DDR2: variants seen among roughly 807,000 people sequenced by gnomAD.
DDR2 encodes the protein discoidin domain-containing receptor 2.
A neutral mutation model predicts 94.9 loss-of-function variants in DDR2; 27 were observed. The observed-to-expected ratio is 0.28, with a 90% CI of 0.21 to 0.39. The LOEUF is 0.39. Among genes scored for constraint, DDR2 ranks in the 10% least tolerant of loss-of-function variants. The pLI is 1.00. For synonymous variants in DDR2, 382 were observed against 377.2 expected, an observed-to-expected ratio of 1.01 and a Z score of -0.15; for missense variants, 783 against 1,076.0, an observed-to-expected ratio of 0.73 and a Z score of 3.81.
At chr1:162,703,380 T>C (rs954364294) in intron 2 of DDR2, among the ~76,000 whole-genome samples, 4 of 152,130 alleles carry the variant, frequency 2.6e-5, no homozygotes, top group African/African-American at 9.7e-5. Context: ...GAGCCTGCTA[T>C]TATGCTATTG....
chr1:162,642,115 C>A (rs142285445), intron 1 of DDR2, among the ~76,000 whole-genome samples: 1,615 of 151,214 alleles, frequency 0.011, 34 homozygotes, highest in African/African-American at 0.037. Context: ...CCACACCACG[C>A]CCAGCTAATT....
intron 9 of DDR2, among the ~76,000 whole-genome samples, chr1:162,763,621 C>T (rs148074889): frequency 3.3e-5 from 5 of 152,056 alleles, no homozygotes; most frequent in South Asian, 4.1e-4. Context: ...GTACAGCACC[C>T]GACGTGGAAT....
chr1:162,687,024 G>T (rs1182250582), intron 2 of DDR2, among the ~76,000 whole-genome samples: 1 of 152,200 alleles, frequency 6.6e-6, no homozygotes, highest in African/African-American at 2.4e-5. Flanking sequence ...TTTTGGTTGG[G>T]GCTCAGGAGG....
intron 16 of DDR2, among the ~76,000 whole-genome samples, chr1:162,776,747 T>A (rs1647580243): frequency 6.6e-6 from 1 of 152,222 alleles, no homozygotes; most frequent in Non-Finnish European, 1.5e-5. Flanking sequence ...TTCTCATAAT[T>A]ACATAGACTA....
At chr1:162,745,779 A>G (rs116173774) in intron 3 of DDR2, among the ~76,000 whole-genome samples, 1,882 of 152,148 alleles carry the variant, frequency 0.012, 25 homozygotes, top group Admixed American at 0.031. Context: ...CTTTTTCAAC[A>G]TTGCTTTGGA....
chr1:162,786,818 G>T lies in DDR2; in HGVS notation c.*6572G>T, dbSNP rs1648169105. On this transcript the variant is annotated 3_prime_UTR_variant, in exon 18 of 18. Transcript: ENST00000367921. ...CATATCCAAACATACGAGACACTGGGATTTTACGTCCTCACATTAATTAGT... is the reference window on the plus strand; with the variant it reads ...CATATCCAAACATACGAGACACTGGTATTTTACGTCCTCACATTAATTAGT... 6.6e-6 allele frequency: 1 copy of T among 152,140 alleles called. No individual in the cohort carries two copies. The highest frequency in any genetic ancestry group is 2.1e-4 in the South Asian group (1 of 4,826). 9.4% of individuals were successfully genotyped at this position (152,140 alleles called of 1,614,324 possible).
chr1:162,719,091 G>C lies in DDR2; in HGVS notation c.28G>C (p.Val10Leu). The C allele has an allele frequency of 1.2e-6, 2 of 1,613,810 alleles. No individual in the cohort carries two copies. Among genetic ancestry groups the C allele is most frequent in the Admixed American group, 1.7e-5 (1 of 60,004 alleles). MILIPRMLL[V>L]LFLLLPILSS... ...GATCCTGATTCCCAGAATGCTCTTG[G>C]TGCTGTTCCTGCTGCTGCCTATCTT... The change falls in exon 3 of 18, where the codon GTG becomes CTG. Residue 10 changes from valine to leucine, a missense_variant. Around this residue, in one of 2 missense-constraint regions of DDR2, gnomAD observed 519 missense variants for 647.9 expected, o/e 0.80. Transcript: ENST00000367921.
chr1:162,717,842 A>G (rs1661240383), intron 2 of DDR2, among the ~76,000 whole-genome samples: 1 of 152,170 alleles, frequency 6.6e-6, no homozygotes, highest in South Asian at 2.1e-4. Context: ...GTCTTGAGGA[A>G]GTGTTTGTCA....
intron 2 of DDR2, among the ~76,000 whole-genome samples, chr1:162,690,591 T>TA (rs1180186083): frequency 3.9e-5 from 6 of 151,976 alleles, no homozygotes; most frequent in African/African-American, 1.4e-4. Context: ...TCCTCATCTG[T>TA]AAAAGATGAG....
At chr1:162,713,159 C>T (rs371259066) in intron 2 of DDR2, among the ~76,000 whole-genome samples, 2 of 152,144 alleles carry the variant, frequency 1.3e-5, no homozygotes, top group African/African-American at 2.4e-5. Context: ...TAGAAACAGG[C>T]AGTAATTCTC....
intron 2 of DDR2, among the ~76,000 whole-genome samples, chr1:162,667,040 G>GTCTA (rs10593700): frequency 0.022 from 3,260 of 151,190 alleles, 96 homozygotes; most frequent in African/African-American, 0.068. Context: ...ATTCATATAT[G>GTCTA]TCTATCTATC....
At chr1:162,672,938 G>A (rs1658941742) in intron 2 of DDR2, among the ~76,000 whole-genome samples, 1 of 152,132 alleles carries the variant, frequency 6.6e-6, no homozygotes, top group Admixed American at 6.5e-5. Context: ...TTTCTGGGAT[G>A]AAAATAGCAA....
chr1:162,758,835 T>G lies in DDR2; in HGVS notation c.672-961T>G, dbSNP rs375190976. On this transcript the variant is annotated intron_variant, in intron 7 of 17. Coordinates refer to ENST00000367921, the MANE Select transcript of DDR2 (RefSeq NM_006182.4). ...AGGGTGAGTATCCCAATCTCGTCAT[T>G]TGGGAAATTTGTGTCATATCTGCCA... 1.4e-4 allele frequency among the ~76,000 whole-genome samples: 22 copies of G among 152,282 alleles called. No individual in the cohort carries two copies. The South Asian group carries it at 4.4e-3, about 30-fold the overall frequency.
chr1:162,655,147 A>C (rs911927475), intron 1 of DDR2, 64 bp from the exon 2 acceptor site: 1 of 152,164 alleles, frequency 6.6e-6, no homozygotes, highest in Non-Finnish European at 1.5e-5. Flanking sequence ...AGGAGTGCCA[A>C]AGAGGAAAGA....
At chr1:162,687,736 G>T (rs1287351676) in intron 2 of DDR2, among the ~76,000 whole-genome samples, 1 of 152,152 alleles carries the variant, frequency 6.6e-6, no homozygotes, top group Non-Finnish European at 1.5e-5. Flanking sequence ...AGCCAGGTTG[G>T]GGACGGAGAG....
chr1:162,747,667 T>C (rs1446282529), intron 3 of DDR2, among the ~76,000 whole-genome samples: 1 of 152,020 alleles, frequency 6.6e-6, no homozygotes, highest in African/African-American at 2.4e-5. Flanking sequence ...AAGATACTCC[T>C]CGAGAAGAGC....
chr1:162,673,773 T>G (rs766137044), intron 2 of DDR2, among the ~76,000 whole-genome samples: 1 of 151,522 alleles, frequency 6.6e-6, no homozygotes, highest in Non-Finnish European at 1.5e-5. Flanking sequence ...AACCGACGAG[T>G]TCCAGCATTT....
intron 2 of DDR2, among the ~76,000 whole-genome samples, chr1:162,668,838 A>G (rs1658702234): frequency 6.6e-6 from 1 of 152,178 alleles, no homozygotes. Flanking sequence ...TCTTTCTTGG[A>G]CACGATTCAA....
At chr1:162,704,933 A>T (rs1660594342) in intron 2 of DDR2, 1 of 152,244 alleles carries the variant, frequency 6.6e-6, no homozygotes. Context: ...GAATCCCCTG[A>T]AGATTTGCCC....
Sources: gnomAD v4.1 joint callset for allele counts (sites outside exome capture counted in the v4.1 genomes callset) on GRCh38, gnomAD v4.1.1 for gene constraint, gnomAD v4.1.1 regional missense constraint, MANE v1.5 for transcripts, NCBI Gene and HGNC (gene_info 2026-07-23, HGNC 2026-07-21) for gene names.